The following PCDH9 variants were observed in gnomAD, a reference collection of about 807,000 sequenced individuals.
PCDH9 encodes protocadherin 9, also known as protocadherin-9.
In PCDH9, 24 loss-of-function variants were observed where a neutral mutation model predicts 70.6. That is an observed-to-expected ratio of 0.34 (90% CI 0.25 to 0.48). The LOEUF is 0.48. PCDH9 is among the 20% of genes least tolerant of loss of function. The pLI is 0.99. For synonymous variants in PCDH9, 562 were observed against 558.5 expected (o/e 1.01, Z -0.09); for missense variants, 1,281 against 1,503.6 (o/e 0.85, Z 2.45).
chr13:66,737,559 G>A (rs946526297), intron 3 of PCDH9, among the ~76,000 whole-genome samples: 1 of 152,224 alleles, frequency 6.6e-6, no homozygotes, highest in African/African-American at 2.4e-5. Flanking sequence ...GAAGACGGGT[G>A]ATTTCTGCAT....
chr13:66,877,390 T>C (rs1401166143), intron 3 of PCDH9, among the ~76,000 whole-genome samples: 1 of 151,754 alleles, frequency 6.6e-6, no homozygotes, highest in Non-Finnish European at 1.5e-5. Flanking sequence ...AGTGGTTTTT[T>C]TTTTTTGTTA....
chr13:66,827,519 T>C (rs1223701906), intron 3 of PCDH9, among the ~76,000 whole-genome samples: 1 of 151,836 alleles, frequency 6.6e-6, no homozygotes, highest in East Asian at 1.9e-4. Context: ...TGGACGTGGG[T>C]GGTGGTGGTG....
chr13:66,804,205 T>C (rs565217348), intron 3 of PCDH9, among the ~76,000 whole-genome samples: 8 of 152,332 alleles, frequency 5.3e-5, no homozygotes, highest in Non-Finnish European at 1.0e-4. Context: ...TACTACATTG[T>C]GTTTTGGACA....
intron 3 of PCDH9, among the ~76,000 whole-genome samples, chr13:66,852,300 C>A (rs1238829945): frequency 6.6e-6 from 1 of 152,038 alleles, no homozygotes; most frequent in Non-Finnish European, 1.5e-5. Context: ...TAGAAAGTGT[C>A]ATTCAGCTAT....
chr13:67,209,195 C>G (rs1269007028), intron 2 of PCDH9: 1 of 152,070 alleles, frequency 6.6e-6, no homozygotes, highest in African/African-American at 2.4e-5. Flanking sequence ...ACCTTAGCAC[C>G]ACATACTTCC....
intron 2 of PCDH9, among the ~76,000 whole-genome samples, chr13:66,931,384 C>A (rs953984030): frequency 4.6e-5 from 7 of 151,990 alleles, no homozygotes; most frequent in African/African-American, 7.2e-5. Flanking sequence ...GAATTCATCC[C>A]TAATCAACTC....
At chr13:66,952,347 T>C (rs2083196367) in intron 2 of PCDH9, among the ~76,000 whole-genome samples, 1 of 152,206 alleles carries the variant, frequency 6.6e-6, no homozygotes, top group African/African-American at 2.4e-5. Context: ...TATAGTGCTA[T>C]AAGACTGCTT....
intron 4 of PCDH9, among the ~76,000 whole-genome samples, chr13:66,560,188 C>T (rs1961948775): frequency 6.6e-6 from 1 of 152,014 alleles, no homozygotes; most frequent in South Asian, 2.1e-4. Flanking sequence ...GGGTTTATCG[C>T]CTGGTATGGG....
At chr13:66,704,648 A>G (rs2078688627) in intron 3 of PCDH9, among the ~76,000 whole-genome samples, 1 of 152,174 alleles carries the variant, frequency 6.6e-6, no homozygotes. Flanking sequence ...AATGATGACA[A>G]TGGAAATGGT....
At chr13:66,583,476 G>A (rs185745059) in intron 4 of PCDH9, among the ~76,000 whole-genome samples, 2 of 152,034 alleles carry the variant, frequency 1.3e-5, no homozygotes, top group East Asian at 3.9e-4. Context: ...GCTGGGCTTG[G>A]GGGGACGCGC....
At chr13:66,721,673 C>A (rs1448971597) in intron 3 of PCDH9, among the ~76,000 whole-genome samples, 12 of 152,158 alleles carry the variant, frequency 7.9e-5, no homozygotes, top group Non-Finnish European at 2.9e-5. Flanking sequence ...TGGCAATATA[C>A]TCTTGAACTA....
At chr13:66,923,551 C>T (rs1328037581) in intron 2 of PCDH9, among the ~76,000 whole-genome samples, 1 of 151,534 alleles carries the variant, frequency 6.6e-6, no homozygotes, top group Non-Finnish European at 1.5e-5. Context: ...AACTATGTGC[C>T]AGACATAGCT....
chr13:67,022,026 T>C (rs2084684214), intron 2 of PCDH9, among the ~76,000 whole-genome samples: 1 of 151,726 alleles, frequency 6.6e-6, no homozygotes, highest in African/African-American at 2.4e-5. Flanking sequence ...TTTGTATGCA[T>C]TAGGGCCTAA....
intron 4 of PCDH9, among the ~76,000 whole-genome samples, chr13:66,586,494 T>C (rs564083542): frequency 2.5e-4 from 38 of 152,130 alleles, no homozygotes; most frequent in African/African-American, 8.2e-4. Context: ...CTGTTATGGC[T>C]AGAATGGTTG....
At chr13:66,391,948 ATGTTT>A (rs1171343087) in intron 4 of PCDH9, among the ~76,000 whole-genome samples, 4 of 150,906 alleles carry the variant, frequency 2.7e-5, no homozygotes, top group Non-Finnish European at 4.4e-5. Flanking sequence ...AAACATATAT[ATGTTT>A]TGTTTTGTTT....
chr13:66,830,104 T>A (rs1338841937), intron 3 of PCDH9, among the ~76,000 whole-genome samples: 1 of 152,114 alleles, frequency 6.6e-6, no homozygotes, highest in Non-Finnish European at 1.5e-5. Flanking sequence ...AAGAAAAATA[T>A]GCAACATGAA....
At chr13:66,460,669 C>A (rs1040831205) in intron 4 of PCDH9, among the ~76,000 whole-genome samples, 3 of 151,736 alleles carry the variant, frequency 2.0e-5, no homozygotes, top group Non-Finnish European at 4.4e-5. Flanking sequence ...AATAAAGATA[C>A]CTGGAATTTT....
At chr13:66,612,437 T>A (rs1009844766) in intron 4 of PCDH9, among the ~76,000 whole-genome samples, 8 of 152,234 alleles carry the variant, frequency 5.3e-5, no homozygotes, top group Admixed American at 2.6e-4. Context: ...GAAATTCTAA[T>A]GTTGTAATGT....
intron 4 of PCDH9, among the ~76,000 whole-genome samples, chr13:66,526,080 G>A (rs9540791): frequency 0.24 from 36,805 of 151,968 alleles, 4,873 homozygotes; most frequent in East Asian, 0.34. Flanking sequence ...GATGAGTTCC[G>A]GGTTTGGACA....
Sources: gnomAD v4.1 joint callset for allele counts (sites outside exome capture counted in the v4.1 genomes callset) on GRCh38, gnomAD v4.1.1 for gene constraint, MANE v1.5 for transcripts, NCBI Gene and HGNC (gene_info 2026-07-23, HGNC 2026-07-21) for gene names.